The following SDK1 variants were observed in gnomAD, a reference collection of about 807,000 sequenced individuals.
The protein encoded by SDK1 is protein sidekick-1.
Under a neutral mutation model 245.5 loss-of-function variants are expected in SDK1, and 157 were observed. The observed-to-expected ratio is 0.64, with a 90% CI of 0.56 to 0.73. SDK1 has a LOEUF of 0.73. Ranked by LOEUF, SDK1 falls within the 30% of genes least tolerant of loss-of-function variation. The pLI is 0.00. For synonymous variants in SDK1, 1,647 were observed against 1,278.5 expected (o/e 1.29, Z -6.15); for missense variants, 3,583 against 3,002.3 (o/e 1.19, Z -4.52).
chr7:3,970,628 G>T (rs192308192), intron 11 of SDK1, among the ~76,000 whole-genome samples: 7 of 152,300 alleles, frequency 4.6e-5, no homozygotes, highest in Non-Finnish European at 7.3e-5. Context: ...AAAATTTTGT[G>T]GATCTGCTGA....
At chr7:3,498,015 G>A (rs1583953716) in intron 1 of SDK1, among the ~76,000 whole-genome samples, 2 of 152,336 alleles carry the variant, frequency 1.3e-5, no homozygotes, top group East Asian at 3.9e-4. Context: ...CATCTGGCTT[G>A]TATCGATTAT....
chr7:4,152,014 T>A (rs1363451171), intron 30 of SDK1, among the ~76,000 whole-genome samples: 1 of 152,140 alleles, frequency 6.6e-6, no homozygotes, highest in African/African-American at 2.4e-5. Context: ...AGTCTCCCCT[T>A]AGTAGCTGCG....
intron 1 of SDK1, among the ~76,000 whole-genome samples, chr7:3,545,187 T>A (rs1397956470): frequency 2.0e-5 from 3 of 152,216 alleles, no homozygotes; most frequent in African/African-American, 7.2e-5. Flanking sequence ...TTTGCTGGGC[T>A]CATTTCCATA....
At chr7:4,021,531 G>C (rs567174102) in intron 17 of SDK1, among the ~76,000 whole-genome samples, 1 of 152,184 alleles carries the variant, frequency 6.6e-6, no homozygotes, top group Non-Finnish European at 1.5e-5. Context: ...CAGCAGCTCC[G>C]AGGTCATCAG....
At chr7:3,782,492 C>A (rs148230475) in intron 4 of SDK1, among the ~76,000 whole-genome samples, 34 of 152,178 alleles carry the variant, frequency 2.2e-4, no homozygotes, top group African/African-American at 8.2e-4. Flanking sequence ...AAATTCAACC[C>A]ATAGAAGAGT....
At chr7:3,589,465 C>G (rs143143370) in intron 1 of SDK1, among the ~76,000 whole-genome samples, 39 of 152,338 alleles carry the variant, frequency 2.6e-4, no homozygotes, top group African/African-American at 8.9e-4. Flanking sequence ...GCGTATATTA[C>G]TATTGGCTGC....
At chr7:3,714,690 G>C (rs7801796) in intron 4 of SDK1, among the ~76,000 whole-genome samples, 4,116 of 152,248 alleles carry the variant, frequency 0.027, 193 homozygotes, top group African/African-American at 0.095. Flanking sequence ...TTAATTTCAA[G>C]ACACTTATTT....
intron 14 of SDK1, among the ~76,000 whole-genome samples, chr7:4,010,410 T>C (rs1785848766): frequency 1.3e-5 from 2 of 152,178 alleles, no homozygotes; most frequent in African/African-American, 2.4e-5. Context: ...TATTCTAAGC[T>C]CGCTGTGAAT....
In SDK1 at chr7:3,329,860, T is replaced by C. The variant is rs556143750; in HGVS notation, c.298+27976T>C. Among the ~76,000 whole-genome samples, 10 of 152,362 alleles carry C rather than the reference T, an allele frequency of 6.6e-5. 1 individual carries two copies. In the East Asian group the frequency reaches 1.2e-3, roughly 18 times the overall value. On this transcript the variant is annotated intron_variant, in intron 1 of 44. Coordinates refer to ENST00000404826, the MANE Select transcript of SDK1 (RefSeq NM_152744.4). ...AACTACTTATATAGCATTTATACTT[T>C]ATTAGGTATTATAAGTAATCTAGCG...
At chr7:3,610,650 A>G (rs1781557603) in intron 1 of SDK1, among the ~76,000 whole-genome samples, 1 of 152,244 alleles carries the variant, frequency 6.6e-6, no homozygotes. Flanking sequence ...TCAATTGTGG[A>G]TTAATCTCAC....
At chr7:3,830,317 C>T (rs1403535824) in intron 5 of SDK1, among the ~76,000 whole-genome samples, 2 of 152,164 alleles carry the variant, frequency 1.3e-5, no homozygotes, top group African/African-American at 2.4e-5. Context: ...TTTGCCTAAT[C>T]GGATTTTTTA....
At chr7:3,928,894 T>G (rs980455318) in intron 5 of SDK1, among the ~76,000 whole-genome samples, 1 of 152,210 alleles carries the variant, frequency 6.6e-6, no homozygotes, top group Non-Finnish European at 1.5e-5. Flanking sequence ...CATGCCCAGG[T>G]GGGGAAACCC....
At position 4,245,792 on chromosome 7, in the gene SDK1, C is replaced by T; in HGVS notation, c.6368C>T (p.Ala2123Val). ...SVSLKEKSAD[A>V]SESEATDSDY... Reference sequence around the variant, plus strand: ...AGCCTCAAGGAGAAGTCGGCAGATGCATCAGAATCTGAGGTCAGTGTCGGT... The same window carrying T: ...AGCCTCAAGGAGAAGTCGGCAGATGTATCAGAATCTGAGGTCAGTGTCGGT... The change falls in exon 44 of 45, where the codon GCA becomes GTA. Residue 2123 changes from alanine to valine, a missense_variant. Transcript: ENST00000404826. 6.2e-7 allele frequency: 1 copy of T among 1,613,918 alleles called. No homozygotes were observed. Among genetic ancestry groups the T allele is most frequent in the Non-Finnish European group, 8.5e-7 (1 of 1,179,954 alleles).
chr7:3,526,707 G>T (rs942763528), intron 1 of SDK1, among the ~76,000 whole-genome samples: 5 of 152,026 alleles, frequency 3.3e-5, no homozygotes, highest in East Asian at 1.9e-4. Context: ...CCATCAATCT[G>T]TCTCATTTGT....
intron 1 of SDK1, among the ~76,000 whole-genome samples, chr7:3,531,503 C>T (rs533177441): frequency 3.9e-5 from 6 of 152,170 alleles, no homozygotes; most frequent in South Asian, 4.2e-4. Context: ...AGCCATATTC[C>T]GAGTCCAGCC....
intron 1 of SDK1, among the ~76,000 whole-genome samples, chr7:3,545,050 C>T (rs1465998514): frequency 6.6e-6 from 1 of 152,100 alleles, no homozygotes; most frequent in Non-Finnish European, 1.5e-5. Flanking sequence ...AGAGTGTGCT[C>T]CTACCAGGAC....
At chr7:4,158,600 C>A in intron 31 of SDK1, 49 bp downstream of exon 31, 1 of 1,373,032 alleles carries the variant, frequency 7.3e-7, no homozygotes, top group Non-Finnish European at 1.0e-6. Flanking sequence ...GCCCCTGGAG[C>A]CCGAGATACT....
chr7:4,169,179 G>A (rs1344199640), intron 32 of SDK1, among the ~76,000 whole-genome samples: 6 of 152,360 alleles, frequency 3.9e-5, no homozygotes, highest in African/African-American at 1.4e-4. Flanking sequence ...AAGACTGGTT[G>A]TTACCGGGAG....
chr7:3,701,366 A>C (rs1784734935), intron 4 of SDK1, among the ~76,000 whole-genome samples: 2 of 152,192 alleles, frequency 1.3e-5, no homozygotes, highest in South Asian at 4.1e-4. Context: ...ATAAAAAGTG[A>C]ATTTTTCCCA....
Sources: gnomAD v4.1 joint callset for allele counts (sites outside exome capture counted in the v4.1 genomes callset) on GRCh38, gnomAD v4.1.1 for gene constraint, MANE v1.5 for transcripts, NCBI Gene and HGNC (gene_info 2026-07-23, HGNC 2026-07-21) for gene names.